The following CNTN6 variants were observed in gnomAD, a reference collection of about 807,000 sequenced individuals.
The protein encoded by CNTN6 is contactin 6.
CNTN6 carries 137 observed loss-of-function variants against 122.8 expected under a neutral mutation model. The ratio of observed to expected loss-of-function variants is 1.12; its 90% CI spans 0.97 to 1.29. The LOEUF (loss-of-function observed/expected upper bound fraction) is 1.29, where lower values mean the gene tolerates loss of function less well. Ranked by LOEUF, CNTN6 falls within the 50% of genes most tolerant of loss-of-function variation. The probability of loss-of-function intolerance (pLI) is 0.00; values close to 1 mark genes in which losing one functional copy is unlikely to be tolerated. For missense variants in CNTN6, 1,634 were observed against 1,223.4 expected, an observed-to-expected ratio of 1.34 and a Z score of -5.01; for synonymous variants, 570 against 426.0, an observed-to-expected ratio of 1.34 and a Z score of -4.16.
chr3:1,239,122 C>T (rs1045780013), intron 4 of CNTN6, among the ~76,000 whole-genome samples: 1 of 152,046 alleles, frequency 6.6e-6, no homozygotes, highest in Non-Finnish European at 1.5e-5. Flanking sequence ...ATAGGGATGC[C>T]CACTTTCACT....
intron 11 of CNTN6, among the ~76,000 whole-genome samples, chr3:1,339,805 T>A (rs1703622003): frequency 6.6e-6 from 1 of 152,136 alleles, no homozygotes; most frequent in Non-Finnish European, 1.5e-5. Context: ...TTGCAAGGCA[T>A]CCAAGAATTG....
intron 11 of CNTN6, among the ~76,000 whole-genome samples, chr3:1,337,588 T>G (rs1250447634): frequency 6.6e-6 from 1 of 152,164 alleles, no homozygotes; most frequent in Non-Finnish European, 1.5e-5. Flanking sequence ...TAGTGCTTAG[T>G]ACGTCAGGTA....
chr3:1,300,235 C>G (rs1696970004), intron 7 of CNTN6, among the ~76,000 whole-genome samples: 1 of 152,120 alleles, frequency 6.6e-6, no homozygotes, highest in African/African-American at 2.4e-5. Flanking sequence ...ATCCGCCCGA[C>G]TCAGCCTTCC....
chr3:1,388,613 C>G (rs777122200), intron 20 of CNTN6, among the ~76,000 whole-genome samples: 176 of 148,548 alleles, frequency 1.2e-3, no homozygotes, highest in Non-Finnish European at 2.2e-3. Flanking sequence ...TCAAATTACT[C>G]TGAGCTACGG....
chr3:1,291,341 GC>G (rs1177564857), intron 5 of CNTN6, among the ~76,000 whole-genome samples: 3 of 152,164 alleles, frequency 2.0e-5, no homozygotes, highest in African/African-American at 7.2e-5. Flanking sequence ...GAATAGATTG[GC>G]AAGTTCTAGC....
chr3:1,291,274 G>C (rs991850120), intron 5 of CNTN6, among the ~76,000 whole-genome samples: 20 of 152,234 alleles, frequency 1.3e-4, no homozygotes, highest in African/African-American at 4.6e-4. Context: ...TTCTGGATTA[G>C]ATTCTTCCAG....
chr3:1,252,538 C>T (rs563823766), intron 4 of CNTN6, among the ~76,000 whole-genome samples: 7 of 152,210 alleles, frequency 4.6e-5, no homozygotes, highest in Middle Eastern at 3.4e-3. Context: ...TTTCACTTTA[C>T]GGAAATAATA....
At chr3:1,285,430 C>T (rs1190365871) in intron 5 of CNTN6, among the ~76,000 whole-genome samples, 2 of 152,068 alleles carry the variant, frequency 1.3e-5, no homozygotes, top group African/African-American at 2.4e-5. Context: ...AAGTTTCTAG[C>T]AGGCAGCTGG....
chr3:1,206,575 G>A lies in CNTN6; in HGVS notation c.56-14112G>A, dbSNP rs141851029. Among the ~76,000 whole-genome samples the A allele has an allele frequency of 2.3e-3, 357 of 152,206 alleles. 1 individual carries two copies. The highest frequency in any genetic ancestry group is 8.2e-3 in the African/African-American group (339 of 41,532). On this transcript the variant is annotated intron_variant, in intron 2 of 22. Transcript: ENST00000446702. Reference sequence around the variant, plus strand: ...ATGTAGTATCCCATCTCAACCAAATGCACCATTGACCCCATGTCTTTCTGT... The same window carrying A: ...ATGTAGTATCCCATCTCAACCAAATACACCATTGACCCCATGTCTTTCTGT...
chr3:1,337,589 A>T (rs1204185150), intron 11 of CNTN6, among the ~76,000 whole-genome samples: 1 of 152,178 alleles, frequency 6.6e-6, no homozygotes, highest in Non-Finnish European at 1.5e-5. Context: ...AGTGCTTAGT[A>T]CGTCAGGTAG....
intron 4 of CNTN6, among the ~76,000 whole-genome samples, chr3:1,243,755 A>C (rs2094520749): frequency 6.6e-6 from 1 of 152,200 alleles, no homozygotes; most frequent in African/African-American, 2.4e-5. Flanking sequence ...TCACAGAACG[A>C]AACTGTAAGC....
In CNTN6 at chr3:1,158,840, A is replaced by AGTGTGTG. The variant is rs1553610603; in HGVS notation, c.55+10777_55+10778insGTGTGTG. Among the ~76,000 whole-genome samples the AGTGTGTG allele has an allele frequency of 1.7e-4, 14 of 82,628 alleles. 1 individual carries two copies. Among genetic ancestry groups the AGTGTGTG allele is most frequent in the South Asian group, 1.2e-3 (3 of 2,470 alleles). The allele number at this position is 82,628 out of a possible 152,430, so 54.2% of individuals were successfully genotyped here. A position where few individuals can be genotyped will look rare whatever the true frequency, so the allele number is the denominator to read the frequency against. ...TACACACACATATATATACACACACATATATATACATACATATATATACAC... is the reference window on the plus strand; with the variant it reads ...TACACACACATATATATACACACACAGTGTGTGTATATATACATACATATATATACAC... On this transcript the variant is annotated intron_variant, in intron 2 of 22. Transcript: ENST00000446702.
chr3:1,190,540 T>A (rs2130279), intron 2 of CNTN6, among the ~76,000 whole-genome samples: 81,859 of 151,976 alleles, frequency 0.54, 23,928 homozygotes, highest in African/African-American at 0.78. Flanking sequence ...TATGAACACA[T>A]TGTGATCAAA....
At chr3:1,183,479 G>A (rs1248555772) in intron 2 of CNTN6, among the ~76,000 whole-genome samples, 1 of 151,312 alleles carries the variant, frequency 6.6e-6, no homozygotes, top group East Asian at 1.9e-4. Context: ...AAGTACCAAA[G>A]TATTTCACAA....
chr3:1,348,363 G>C (rs1431177072), intron 11 of CNTN6, among the ~76,000 whole-genome samples: 1 of 151,848 alleles, frequency 6.6e-6, no homozygotes, highest in African/African-American at 2.4e-5. Context: ...ACCATTATTA[G>C]TACCTCACGT....
At chr3:1,218,786 A>G (rs187377942) in intron 2 of CNTN6, among the ~76,000 whole-genome samples, 56 of 152,332 alleles carry the variant, frequency 3.7e-4, no homozygotes, top group Non-Finnish European at 6.9e-4. Flanking sequence ...ACCTCAAAAA[A>G]AAATGAGTAC....
At chr3:1,317,040 T>A (rs1178559573) in intron 7 of CNTN6, among the ~76,000 whole-genome samples, 1 of 151,970 alleles carries the variant, frequency 6.6e-6, no homozygotes, top group Non-Finnish European at 1.5e-5. Flanking sequence ...AAGAGGAACA[T>A]GGCATTCAGA....
At chr3:1,202,263 G>T (rs140186663) in intron 2 of CNTN6, among the ~76,000 whole-genome samples, 17 of 152,350 alleles carry the variant, frequency 1.1e-4, no homozygotes, top group Non-Finnish European at 1.6e-4. Context: ...TGTTTGGGCC[G>T]GGCGCGGTGG....
intron 2 of CNTN6, among the ~76,000 whole-genome samples, chr3:1,217,408 C>T (rs1229662010): frequency 6.6e-6 from 1 of 152,166 alleles, no homozygotes; most frequent in Non-Finnish European, 1.5e-5. Context: ...TTGTGCATTG[C>T]ACTGGAGGGG....
Sources: allele counts gnomAD v4.1 joint callset (sites outside exome capture counted in the v4.1 genomes callset), GRCh38; gene constraint gnomAD v4.1.1; transcripts MANE v1.5; gene names NCBI Gene and HGNC (gene_info 2026-07-23, HGNC 2026-07-21).